Variants in LRP1B observed in about 807,000 individuals in gnomAD.
LRP1B encodes low-density lipoprotein receptor-related protein 1B.
A neutral mutation model predicts 556.6 loss-of-function variants in LRP1B; 217 were observed. The ratio of observed to expected loss-of-function variants is 0.39; its 90% CI spans 0.35 to 0.44. The LOEUF (loss-of-function observed/expected upper bound fraction) is 0.44. Among genes scored for constraint, LRP1B ranks in the 20% least tolerant of loss-of-function variants. The pLI is 1.00. For missense variants in LRP1B, 5,053 were observed against 5,620.8 expected (o/e 0.90, Z 3.23); for synonymous variants, 2,047 against 1,865.8 (o/e 1.10, Z -2.50).
At chr2:140,293,401 G>C (rs2104991345) in intron 84 of LRP1B, among the ~76,000 whole-genome samples, 1 of 152,264 alleles carries the variant, frequency 6.6e-6, no homozygotes, top group East Asian at 1.9e-4. Context: ...AAGAATACTT[G>C]ATTTTACTTT....
chr2:140,850,063 C>A, intron 29 of LRP1B, 39 bp downstream of exon 29: 2 of 1,277,022 alleles, frequency 1.6e-6, no homozygotes, highest in South Asian at 2.5e-5. Flanking sequence ...AACTGAATAA[C>A]AAACACTTTT....
intron 1 of LRP1B, among the ~76,000 whole-genome samples, chr2:142,123,675 A>AT (rs1707537799): frequency 1.5e-5 from 2 of 134,044 alleles, no homozygotes; most frequent in African/African-American, 5.6e-5. Context: ...TTTTTTGGTT[A>AT]TTTTTCTCTT....
chr2:141,423,573 A>G (rs956387374), intron 3 of LRP1B, among the ~76,000 whole-genome samples: 1 of 152,038 alleles, frequency 6.6e-6, no homozygotes, highest in African/African-American at 2.4e-5. Flanking sequence ...CATAGATGAA[A>G]GTTTTTTGGA....
chr2:141,158,316 C>A (rs1393925265), intron 7 of LRP1B, among the ~76,000 whole-genome samples: 2 of 152,094 alleles, frequency 1.3e-5, no homozygotes, highest in East Asian at 3.9e-4. Context: ...CAGCTGAACT[C>A]AAATCATATA....
At chr2:140,411,525 A>G (rs959239220) in intron 66 of LRP1B, among the ~76,000 whole-genome samples, 1 of 152,258 alleles carries the variant, frequency 6.6e-6, no homozygotes, top group South Asian at 2.1e-4. Flanking sequence ...AATCTAATCC[A>G]AGTTTCTAAA....
At position 141,229,324 on chromosome 2, in the gene LRP1B, T is replaced by A. The variant is rs1420458852; in HGVS notation, c.709A>T (p.Thr237Ser). The change falls in exon 6 of 91, where the codon ACT becomes TCT. Residue 237 changes from threonine to serine, a missense_variant. By Grantham distance (58) the Thr-to-Ser change is moderately conservative (BLOSUM62 1). This residue lies in a region of LRP1B where 3,619 missense variants were observed against 3,931.9 expected (regional missense o/e 0.92). Transcript: ENST00000389484. ...LSSVNGNEIH[T>S]LDFIYNEDMI... ...TCTTCATTATAAATAAAATCCAGAG[T>A]ATGAATTTCATTTCCATTGACTGAG... 11 of 1,612,860 alleles carry A rather than the reference T, an allele frequency of 6.8e-6. No homozygotes were observed. The highest frequency in any genetic ancestry group is 9.3e-6 in the Non-Finnish European group (11 of 1,179,120).
chr2:140,357,304 G>A (rs1193312981), intron 74 of LRP1B, among the ~76,000 whole-genome samples: 1 of 151,406 alleles, frequency 6.6e-6, no homozygotes, highest in East Asian at 2.0e-4. Context: ...TGATACCATG[G>A]TTTAGACACA....
intron 14 of LRP1B, among the ~76,000 whole-genome samples, chr2:141,008,249 TAC>T (rs1697637136): frequency 6.6e-6 from 1 of 151,440 alleles, no homozygotes; most frequent in African/African-American, 2.4e-5. Context: ...CACAGCTAGT[TAC>T]TTTACATATA....
At chr2:141,880,542 G>C (rs963843660) in intron 1 of LRP1B, among the ~76,000 whole-genome samples, 1 of 149,992 alleles carries the variant, frequency 6.7e-6, no homozygotes, top group Non-Finnish European at 1.5e-5. Flanking sequence ...AATAAAAAAA[G>C]GAAATAAAAA....
At chr2:141,878,725 G>T (rs1247995396) in intron 1 of LRP1B, among the ~76,000 whole-genome samples, 2 of 151,966 alleles carry the variant, frequency 1.3e-5, no homozygotes, top group African/African-American at 2.4e-5. Context: ...GTAGGGAAAA[G>T]TCACTTAAGT....
chr2:141,594,665 G>C (rs1403180327), intron 2 of LRP1B, among the ~76,000 whole-genome samples: 4 of 152,120 alleles, frequency 2.6e-5, no homozygotes, highest in Middle Eastern at 3.4e-3. Flanking sequence ...ATTGTCATTT[G>C]GTTGACTACA....
At chr2:140,417,123 C>A (rs1021108881) in intron 66 of LRP1B, among the ~76,000 whole-genome samples, 2 of 152,128 alleles carry the variant, frequency 1.3e-5, no homozygotes, top group African/African-American at 4.8e-5. Flanking sequence ...AAAAGACAAG[C>A]CTTTGGAGTT....
At chr2:141,086,065 T>A (rs1172921052) in intron 7 of LRP1B, among the ~76,000 whole-genome samples, 1 of 152,220 alleles carries the variant, frequency 6.6e-6, no homozygotes, top group Non-Finnish European at 1.5e-5. Context: ...GTTCTCTAAT[T>A]GGTGACGTTA....
intron 23 of LRP1B, among the ~76,000 whole-genome samples, chr2:140,897,516 G>A (rs994594753): frequency 2.0e-5 from 3 of 152,160 alleles, no homozygotes; most frequent in Non-Finnish European, 2.9e-5. Context: ...GTATTGTTCC[G>A]GGGTGTGTCT....
At position 141,136,869 on chromosome 2, in the gene LRP1B, C is replaced by T. The variant is rs1028904222; in HGVS notation, c.1013+51552G>A. 3.3e-5 allele frequency among the ~76,000 whole-genome samples: 5 copies of T among 151,854 alleles called. No individual in the cohort carries two copies. In the East Asian group the frequency reaches 9.7e-4, roughly 29 times the overall value. ...AGAAGTACATGACATGAAGATGAAA[C>T]AGTTTGTATAAACCTATGAGTTAAA... On this transcript the variant is annotated intron_variant, in intron 7 of 90. Coordinates refer to ENST00000389484, the MANE Select transcript of LRP1B (RefSeq NM_018557.3).
At chr2:140,667,358 A>C (rs1037617027) in intron 41 of LRP1B, among the ~76,000 whole-genome samples, 1 of 152,202 alleles carries the variant, frequency 6.6e-6, no homozygotes, top group African/African-American at 2.4e-5. Context: ...TTTAAGTTTC[A>C]TTTACCCTGA....
At chr2:141,728,152 T>C (rs576780897) in intron 2 of LRP1B, among the ~76,000 whole-genome samples, 1 of 151,892 alleles carries the variant, frequency 6.6e-6, no homozygotes, top group African/African-American at 2.4e-5. Flanking sequence ...CAAAGAAGAG[T>C]GTAGAGAGAA....
intron 17 of LRP1B, among the ~76,000 whole-genome samples, chr2:140,988,988 T>A (rs1414787632): frequency 1.3e-5 from 2 of 152,116 alleles, no homozygotes; most frequent in East Asian, 1.9e-4. Flanking sequence ...TCAATGAGAA[T>A]CTGGCTAGGG....
chr2:141,577,394 C>T (rs1395312322), intron 2 of LRP1B, among the ~76,000 whole-genome samples: 1 of 152,126 alleles, frequency 6.6e-6, no homozygotes. Flanking sequence ...CTTCGTTTAG[C>T]CCAGTTCCTG....
Sources: allele counts gnomAD v4.1 joint callset (sites outside exome capture counted in the v4.1 genomes callset), GRCh38; gene constraint gnomAD v4.1.1; regional missense constraint gnomAD v4.1.1; transcripts MANE v1.5; gene names NCBI Gene and HGNC (gene_info 2026-07-23, HGNC 2026-07-21).